The following SOX5 variants were observed in gnomAD, a reference collection of about 807,000 sequenced individuals.
SOX5 encodes transcription factor SOX-5.
Under a neutral mutation model 92.0 loss-of-function variants are expected in SOX5, and 9 were observed. That is an observed-to-expected ratio of 0.10 (90% confidence interval 0.06 to 0.17). The LOEUF is 0.17. Ranked by LOEUF, SOX5 falls within the 10% of genes least tolerant of loss-of-function variation. The probability of loss-of-function intolerance (pLI) is 1.00; values close to 1 mark genes in which losing one functional copy is unlikely to be tolerated. For missense variants in SOX5, 642 were observed against 944.5 expected, an observed-to-expected ratio of 0.68 and a Z score of 4.20; for synonymous variants, 344 against 336.3, an observed-to-expected ratio of 1.02 and a Z score of -0.25.
intron 7 of SOX5, among the ~76,000 whole-genome samples, chr12:23,643,930 AT>A (rs1363763166): frequency 6.6e-6 from 1 of 152,112 alleles, no homozygotes; most frequent in Non-Finnish European, 1.5e-5. Context: ...GGAAATGCAC[AT>A]TTTTAGAACC....
At chr12:23,593,651 G>C (rs1951894077) in intron 9 of SOX5, among the ~76,000 whole-genome samples, 3 of 152,064 alleles carry the variant, frequency 2.0e-5, no homozygotes, top group Admixed American at 2.0e-4. Context: ...TGAATATTAA[G>C]TGCTTTAAGA....
chr12:23,794,803 A>C (rs4074723), intron 3 of SOX5, among the ~76,000 whole-genome samples: 94,356 of 151,938 alleles, frequency 0.62, 29,418 homozygotes, highest in East Asian at 0.84. Flanking sequence ...TACAAAAGAA[A>C]ATTTCATTTT....
chr12:24,372,275 C>A (rs1426731358), intron 1 of SOX5, among the ~76,000 whole-genome samples: 1 of 152,084 alleles, frequency 6.6e-6, no homozygotes, highest in Admixed American at 6.5e-5. Context: ...CTAATGCTAT[C>A]CCCACTAGCC....
chr12:24,446,258 T>C (rs1941455944), intron 1 of SOX5, among the ~76,000 whole-genome samples: 1 of 144,670 alleles, frequency 6.9e-6, no homozygotes, highest in South Asian at 2.2e-4. Context: ...AAACAAAACA[T>C]GGTAATATGA....
intron 6 of SOX5, among the ~76,000 whole-genome samples, chr12:23,727,254 C>T (rs1001886796): frequency 5.3e-5 from 8 of 151,996 alleles, no homozygotes; most frequent in Admixed American, 4.6e-4. Flanking sequence ...TTTCAAATAG[C>T]GTCTCAATAA....
At chr12:24,154,507 A>G (rs1015581910) in intron 4 of SOX5, among the ~76,000 whole-genome samples, 5 of 152,154 alleles carry the variant, frequency 3.3e-5, no homozygotes, top group African/African-American at 1.2e-4. Context: ...TACCACTTTT[A>G]AAAGGGTAAA....
intron 2 of SOX5, among the ~76,000 whole-genome samples, chr12:24,339,482 G>C (rs1240688599): frequency 6.6e-6 from 1 of 152,238 alleles, no homozygotes; most frequent in Non-Finnish European, 1.5e-5. Flanking sequence ...TGAGGTCACA[G>C]AGGAAGCCAG....
chr12:24,412,561 C>G (rs1964295701), intron 1 of SOX5, among the ~76,000 whole-genome samples: 1 of 151,950 alleles, frequency 6.6e-6, no homozygotes, highest in Non-Finnish European at 1.5e-5. Context: ...ATGTATATTT[C>G]TCAGTTTCCA....
At chr12:24,240,682 C>A (rs1296377689) in intron 3 of SOX5, among the ~76,000 whole-genome samples, 2 of 152,104 alleles carry the variant, frequency 1.3e-5, no homozygotes, top group South Asian at 4.1e-4. Context: ...ACAAGACTGG[C>A]AAGATTGACA....
intron 1 of SOX5, among the ~76,000 whole-genome samples, chr12:24,390,577 C>T (rs1233447024): frequency 6.6e-5 from 10 of 152,092 alleles, no homozygotes; most frequent in East Asian, 1.9e-4. Flanking sequence ...TTCCTTACCC[C>T]GCACCCTTCC....
intron 3 of SOX5, among the ~76,000 whole-genome samples, chr12:23,819,548 G>A (rs2096065291): frequency 6.6e-6 from 1 of 152,068 alleles, no homozygotes; most frequent in Non-Finnish European, 1.5e-5. Context: ...ATCTACATTA[G>A]GTATTTCTCC....
chr12:23,798,447 T>C (rs2142095031), intron 3 of SOX5, among the ~76,000 whole-genome samples: 1 of 152,164 alleles, frequency 6.6e-6, no homozygotes, highest in East Asian at 1.9e-4. Context: ...TTGGGTATCC[T>C]TCATTCTTTG....
intron 3 of SOX5, among the ~76,000 whole-genome samples, chr12:24,275,693 C>G (rs1944358536): frequency 6.6e-6 from 1 of 152,052 alleles, no homozygotes; most frequent in East Asian, 1.9e-4. Context: ...TATGTTGGAT[C>G]TGGATCACTT....
At chr12:23,988,946 G>C (rs1950301755) in intron 4 of SOX5, among the ~76,000 whole-genome samples, 1 of 152,156 alleles carries the variant, frequency 6.6e-6, no homozygotes, top group African/African-American at 2.4e-5. Flanking sequence ...AAGATGAATA[G>C]TGTTTTCTAG....
At chr12:24,020,855 A>T (rs1017492099) in intron 4 of SOX5, among the ~76,000 whole-genome samples, 1 of 152,064 alleles carries the variant, frequency 6.6e-6, no homozygotes, top group Non-Finnish European at 1.5e-5. Flanking sequence ...AACTATTCTC[A>T]ATCGCTTCTC....
At chr12:23,728,248 G>C (rs1036316669) in intron 6 of SOX5, among the ~76,000 whole-genome samples, 1 of 152,150 alleles carries the variant, frequency 6.6e-6, no homozygotes, top group African/African-American at 2.4e-5. Flanking sequence ...ATTGTATCCT[G>C]TCCAGTTATG....
At chr12:24,346,900 G>GA (rs1032329816) in intron 2 of SOX5, among the ~76,000 whole-genome samples, 2 of 151,994 alleles carry the variant, frequency 1.3e-5, no homozygotes, top group African/African-American at 2.4e-5. Context: ...ATGGGGGAGG[G>GA]ACAGCACTAG....
At chr12:23,899,233 C>G (rs912797395) in intron 1 of SOX5, among the ~76,000 whole-genome samples, 1 of 151,970 alleles carries the variant, frequency 6.6e-6, no homozygotes, top group Non-Finnish European at 1.5e-5. Flanking sequence ...GAAACCCCAT[C>G]TCTACTAAAA....
intron 1 of SOX5, among the ~76,000 whole-genome samples, chr12:24,477,603 T>C (rs1311925395): frequency 3.9e-5 from 6 of 152,270 alleles, no homozygotes; most frequent in Admixed American, 1.3e-4. Flanking sequence ...CTCAGTACTG[T>C]AGAATAATGG....
Sources: allele counts gnomAD v4.1 joint callset (sites outside exome capture counted in the v4.1 genomes callset), GRCh38; gene constraint gnomAD v4.1.1; transcripts MANE v1.5; gene names NCBI Gene and HGNC (gene_info 2026-07-23, HGNC 2026-07-21).